The following CGNL1 variants were observed in gnomAD, a reference collection of about 807,000 sequenced individuals.
CGNL1 encodes cingulin-like protein 1.
CGNL1 carries 132 observed loss-of-function variants against 141.2 expected under a neutral mutation model. The observed-to-expected ratio is 0.93, with a 90% confidence interval of 0.81 to 1.08. The LOEUF (loss-of-function observed/expected upper bound fraction) is 1.08. CGNL1 is among the 50% of genes least tolerant of loss of function. The pLI is 0.00. For synonymous variants in CGNL1, 690 were observed against 622.1 expected, an observed-to-expected ratio of 1.11 and a Z score of -1.63; for missense variants, 1,870 against 1,588.6, an observed-to-expected ratio of 1.18 and a Z score of -3.01.
chr15:57,542,048 G>A (rs1216332034), intron 14 of CGNL1, among the ~76,000 whole-genome samples: 2 of 152,118 alleles, frequency 1.3e-5, no homozygotes, highest in African/African-American at 4.8e-5. Context: ...GACACACCTC[G>A]GTCAGGACAA....
In CGNL1 at chr15:57,528,739, T is replaced by C; in HGVS notation, c.3125T>C (p.Leu1042Pro). 6.2e-7 allele frequency: 1 copy of C among 1,614,136 alleles called. No homozygotes were observed. The highest frequency in any genetic ancestry group is 2.2e-5 in the East Asian group (1 of 44,882). ...AAAAGGCAGCTTCTGGAGCAGACGC[T>C]GAAGGACCTGGAGTATGAGCTGGAA... Reference protein sequence around the residue: ...LTKRQLLEQTLKDLEYELEAK... With the variant: ...LTKRQLLEQTPKDLEYELEAK... Residue 1042 changes from leucine (L) to proline (P), a missense_variant, in exon 13 of 19, where the codon CTG (leucine) becomes CCG (proline). Physicochemically the swap from Leu to Pro is moderately conservative, Grantham distance 98. Coordinates refer to ENST00000281282, the MANE Select transcript of CGNL1 (RefSeq NM_032866.5).
At chr15:57,382,013 CCT>C (rs1247738763) in intron 1 of CGNL1, among the ~76,000 whole-genome samples, 3 of 152,144 alleles carry the variant, frequency 2.0e-5, no homozygotes, top group African/African-American at 7.2e-5. Flanking sequence ...GTTCTGCAAA[CCT>C]CTGAGTTTCT....
intron 8 of CGNL1, among the ~76,000 whole-genome samples, chr15:57,480,453 G>A (rs756999915): frequency 1.3e-5 from 2 of 152,152 alleles, no homozygotes; most frequent in Non-Finnish European, 2.9e-5. Context: ...TCAGGAGGCG[G>A]AGGTTGCAGT....
intron 1 of CGNL1, among the ~76,000 whole-genome samples, chr15:57,436,540 T>C (rs1384756665): frequency 2.0e-5 from 3 of 151,636 alleles, no homozygotes; most frequent in African/African-American, 4.9e-5. Flanking sequence ...TAAGCTGCTA[T>C]GTGGGGAGTC....
intron 1 of CGNL1, among the ~76,000 whole-genome samples, chr15:57,431,067 C>T (rs369274804): frequency 1.3e-5 from 2 of 152,308 alleles, no homozygotes; most frequent in East Asian, 3.9e-4. Flanking sequence ...AGGTCTCCAA[C>T]CCTAGTAAAA....
chr15:57,508,612 G>A (rs1468883965), intron 8 of CGNL1, among the ~76,000 whole-genome samples: 1 of 152,268 alleles, frequency 6.6e-6, no homozygotes, highest in Non-Finnish European at 1.5e-5. Flanking sequence ...GCCTGCAGTA[G>A]CGCACAAGCG....
intron 8 of CGNL1, among the ~76,000 whole-genome samples, chr15:57,470,639 T>C (rs1356394331): frequency 6.6e-6 from 1 of 152,252 alleles, no homozygotes; most frequent in African/African-American, 2.4e-5. Context: ...GATATGCGGA[T>C]TCATTTGCCA....
At chr15:57,465,293 A>G (rs1363448407) in intron 8 of CGNL1, among the ~76,000 whole-genome samples, 2 of 152,012 alleles carry the variant, frequency 1.3e-5, no homozygotes, top group African/African-American at 4.8e-5. Flanking sequence ...AATCTGGTAA[A>G]TAATGTTTCT....
chr15:57,436,449 TG>T (rs2063106804), intron 1 of CGNL1, among the ~76,000 whole-genome samples: 1 of 152,146 alleles, frequency 6.6e-6, no homozygotes. Context: ...GACAGATGAG[TG>T]GAAAGATAGA....
At chr15:57,496,989 G>T (rs1192304875) in intron 8 of CGNL1, among the ~76,000 whole-genome samples, 1 of 152,178 alleles carries the variant, frequency 6.6e-6, no homozygotes, top group Non-Finnish European at 1.5e-5. Flanking sequence ...GATGGCAGTT[G>T]CATCCACGTT....
At chr15:57,464,734 T>TTTCCTTTCC (rs1385627673) in intron 8 of CGNL1, among the ~76,000 whole-genome samples, 1 of 106,668 alleles carries the variant, frequency 9.4e-6, no homozygotes, top group African/African-American at 3.6e-5. Flanking sequence ...CCTTTCCTTC[T>TTTCCTTTCC]TTCTTTCTTT....
chr15:57,546,248 G>A lies in CGNL1; in HGVS notation c.3773+9G>A, dbSNP rs987531796. The stretch of plus-strand genomic sequence containing the variant: ...ATGAAGAAGGACTTAAGGTGGGCAG[G>A]TGTGGAGGCCACAGAGGGCCGGGTA... On this transcript the variant is annotated intron_variant, in intron 18 of 18. Coordinates refer to ENST00000281282, the MANE Select transcript of CGNL1 (RefSeq NM_032866.5). 2 of 1,566,616 alleles carry A rather than the reference G, an allele frequency of 1.3e-6. No individual in the cohort carries two copies. Among genetic ancestry groups the A allele is most frequent in the East Asian group, 4.7e-5 (2 of 42,164 alleles).
At chr15:57,391,970 C>CT (rs1392816723) in intron 1 of CGNL1, among the ~76,000 whole-genome samples, 1 of 75,196 alleles carries the variant, frequency 1.3e-5, no homozygotes, top group African/African-American at 3.4e-5. Context: ...TCACATTTTT[C>CT]TTTCCCCCCC....
intron 1 of CGNL1, among the ~76,000 whole-genome samples, chr15:57,394,611 G>T (rs2062582460): frequency 6.6e-6 from 1 of 152,102 alleles, no homozygotes; most frequent in African/African-American, 2.4e-5. Context: ...AAATGTACAG[G>T]TTATTCTTGT....
chr15:57,543,202 A>G (rs1240450167), intron 14 of CGNL1, among the ~76,000 whole-genome samples: 1 of 140,854 alleles, frequency 7.1e-6, no homozygotes, highest in Non-Finnish European at 1.5e-5. Context: ...TTGTATACCC[A>G]TCACCCCAAT....
intron 1 of CGNL1, among the ~76,000 whole-genome samples, chr15:57,424,685 C>G (rs1477052904): frequency 1.3e-5 from 2 of 152,126 alleles, no homozygotes; most frequent in Non-Finnish European, 2.9e-5. Flanking sequence ...AACACATAAA[C>G]GATGCCCTTA....
intron 8 of CGNL1, among the ~76,000 whole-genome samples, chr15:57,500,467 C>G (rs1165376269): frequency 1.3e-5 from 2 of 152,188 alleles, no homozygotes; most frequent in African/African-American, 4.8e-5. Context: ...CTCTCCAGGC[C>G]CCAGTTTGCT....
At chr15:57,417,959 G>C (rs2033449394) in intron 1 of CGNL1, among the ~76,000 whole-genome samples, 1 of 152,198 alleles carries the variant, frequency 6.6e-6, no homozygotes, top group South Asian at 2.1e-4. Flanking sequence ...AGCTTTGACA[G>C]CATTGACTTT....
chr15:57,445,868 A>G (rs1209669319), intron 4 of CGNL1, among the ~76,000 whole-genome samples: 2 of 152,234 alleles, frequency 1.3e-5, no homozygotes, highest in Non-Finnish European at 2.9e-5. Context: ...TCATGGAAGA[A>G]GAAGAAGAAA....
Sources: allele counts gnomAD v4.1 joint callset (sites outside exome capture counted in the v4.1 genomes callset), GRCh38; gene constraint gnomAD v4.1.1; transcripts MANE v1.5; gene names NCBI Gene and HGNC (gene_info 2026-07-23, HGNC 2026-07-21).